The following NRG1 variants were observed in gnomAD, a reference collection of about 807,000 sequenced individuals.
NRG1 encodes the protein neuregulin 1, also known as pro-neuregulin-1, membrane-bound isoform.
In NRG1, 18 loss-of-function variants were observed where a neutral mutation model predicts 63.8. That is an observed-to-expected ratio of 0.28 (90% CI 0.19 to 0.42). The LOEUF is 0.42. NRG1 is among the 10% of genes least tolerant of loss of function. The pLI, the probability that NRG1 is intolerant of heterozygous loss-of-function variation, is 1.00. For synonymous variants in NRG1, 302 were observed against 301.3 expected, an observed-to-expected ratio of 1.00 and a Z score of -0.02; for missense variants, 762 against 814.7, an observed-to-expected ratio of 0.94 and a Z score of 0.79.
At chr8:32,416,133 G>A (rs12114039) in intron 1 of NRG1, among the ~76,000 whole-genome samples, 4,986 of 152,222 alleles carry the variant, frequency 0.033, 265 homozygotes, top group African/African-American at 0.11. Flanking sequence ...AGTTATGTTT[G>A]CACTTTAAGC....
At position 32,172,090 on chromosome 8, in the gene NRG1, A is replaced by G. The variant is rs548829637; in HGVS notation, c.38-423738A>G. Among the ~76,000 whole-genome samples the G allele has an allele frequency of 2.0e-5, 3 of 152,064 alleles. No individual in the cohort carries two copies. In the South Asian group the frequency reaches 6.2e-4, roughly 32 times the overall value. On this transcript the variant is annotated intron_variant, in intron 1 of 10. Coordinates refer to the NRG1 transcript ENST00000519301. The stretch of plus-strand genomic sequence containing the variant: ...CCCCTGAGTAGCCTAACTGGGAGGC[A>G]CCCCCCAGTAGGGGCAGACTGACAC...
Position 31,640,371 on chromosome 8 carries a change from CG to C in NRG1, c.37+941del. ...GCCCACGGGCGCTGGGGCCGCCCGC[CG>C]AGGAGCCGCTGCTCGCCGCCAACGG... On this transcript the variant is annotated intron_variant, in intron 1 of 10. Coordinates refer to the NRG1 transcript ENST00000519301. The surrounding 1 kb of genome is among the most constrained non-coding windows in gnomAD (Gnocchi z 6.3). 1 of 1,273,324 alleles carries C rather than the reference CG, an allele frequency of 7.9e-7. No individual in the cohort carries two copies. Among genetic ancestry groups the C allele is most frequent in the Middle Eastern group, 3.0e-4 (1 of 3,310 alleles). 78.9% of individuals were successfully genotyped at this position (1,273,324 alleles called of 1,614,324 possible).
At chr8:32,364,238 A>G (rs1035545632) in intron 1 of NRG1, among the ~76,000 whole-genome samples, 1 of 152,064 alleles carries the variant, frequency 6.6e-6, no homozygotes, top group Non-Finnish European at 1.5e-5. Flanking sequence ...TCAAAACAAA[A>G]TAGTTAATTC....
At chr8:32,490,919 A>G (rs189297525) in intron 1 of NRG1, among the ~76,000 whole-genome samples, 1 of 152,114 alleles carries the variant, frequency 6.6e-6, no homozygotes, top group Non-Finnish European at 1.5e-5. Flanking sequence ...ACTTCGCCCC[A>G]TCTCCAATCT....
At chr8:32,141,360 T>C (rs1836226552) in intron 1 of NRG1, among the ~76,000 whole-genome samples, 1 of 151,998 alleles carries the variant, frequency 6.6e-6, no homozygotes, top group Non-Finnish European at 1.5e-5. Context: ...GAAATATTAG[T>C]AGGTTAGTTA....
chr8:31,730,887 C>T (rs1279368748), intron 1 of NRG1, among the ~76,000 whole-genome samples: 2 of 151,938 alleles, frequency 1.3e-5, no homozygotes, highest in East Asian at 3.9e-4. Flanking sequence ...CATGAAGAAG[C>T]TTAGTATCTA....
At chr8:32,238,410 G>A (rs1847787710) in intron 1 of NRG1, among the ~76,000 whole-genome samples, 1 of 149,650 alleles carries the variant, frequency 6.7e-6, no homozygotes, top group Non-Finnish European at 1.5e-5. Flanking sequence ...AGCCAAGATT[G>A]TCCAGCCTGG....
intron 7 of NRG1, chr8:32,748,677 G>A (rs1236647104): frequency 8.8e-6 from 4 of 456,200 alleles, no homozygotes; most frequent in Non-Finnish European, 1.8e-5. Flanking sequence ...GTGCATGGGA[G>A]TCCAGCATTC....
At chr8:32,601,724 G>GT (rs544368306) in intron 2 of NRG1, among the ~76,000 whole-genome samples, 13 of 151,454 alleles carry the variant, frequency 8.6e-5, no homozygotes, top group East Asian at 1.9e-4. Context: ...CTTTAATTAT[G>GT]TTTTTTTATC....
chr8:31,929,628 T>G (rs2129619806), intron 1 of NRG1, among the ~76,000 whole-genome samples: 1 of 152,314 alleles, frequency 6.6e-6, no homozygotes, highest in African/African-American at 2.4e-5. Flanking sequence ...ATTATTTTGT[T>G]TCATAAATAA....
intron 1 of NRG1, among the ~76,000 whole-genome samples, chr8:31,855,237 G>T (rs1423011955): frequency 2.0e-5 from 3 of 152,274 alleles, no homozygotes; most frequent in African/African-American, 4.8e-5. Context: ...TTAACAATGT[G>T]TGGGAGTCTA....
At chr8:31,859,888 T>A (rs1828306522) in intron 1 of NRG1, among the ~76,000 whole-genome samples, 1 of 152,190 alleles carries the variant, frequency 6.6e-6, no homozygotes. Context: ...CCATTTCCCA[T>A]GGTGGGGAGG....
At chr8:31,757,116 G>A (rs1817050177) in intron 1 of NRG1, among the ~76,000 whole-genome samples, 1 of 152,124 alleles carries the variant, frequency 6.6e-6, no homozygotes, top group African/African-American at 2.4e-5. Flanking sequence ...GATATGCTTT[G>A]AGATGTTTAA....
chr8:32,172,085 G>C lies in NRG1; in HGVS notation c.38-423743G>C, dbSNP rs181791163. Among the ~76,000 whole-genome samples, 398 of 152,256 alleles carry C rather than the reference G, an allele frequency of 2.6e-3. 3 individuals carry two copies. The highest frequency in any genetic ancestry group is 4.3e-3 in the Non-Finnish European group (290 of 68,026). ...CCTGACCCCTGAGTAGCCTAACTGG[G>C]AGGCACCCCCCAGTAGGGGCAGACT... On this transcript the variant is annotated intron_variant, in intron 1 of 10. Transcript: ENST00000519301.
chr8:32,411,893 A>T lies in NRG1; in HGVS notation c.38-183935A>T, dbSNP rs1343776980. Among the ~76,000 whole-genome samples the T allele has an allele frequency of 3.3e-5, 5 of 152,172 alleles. No homozygotes were observed. In the South Asian group the frequency reaches 1.0e-3, roughly 32 times the overall value. On this transcript the variant is annotated intron_variant, in intron 1 of 10. Transcript: ENST00000519301. ...TAAAATCAAAATATAGGTAAGTTGAACTGTCATAAGTTGGGGACCATGCGT... is the reference window on the plus strand; with the variant it reads ...TAAAATCAAAATATAGGTAAGTTGATCTGTCATAAGTTGGGGACCATGCGT...
At position 32,464,279 on chromosome 8, in the gene NRG1, A is replaced by ACC. The variant is rs144963557; in HGVS notation, c.38-131541_38-131540dup. Among the ~76,000 whole-genome samples, 655 of 86,626 alleles carry ACC rather than the reference A, an allele frequency of 7.6e-3. 2 individuals carry two copies. Among genetic ancestry groups the ACC allele is most frequent in the African/African-American group, 0.013 (286 of 21,988 alleles). 56.8% of individuals were successfully genotyped at this position (86,626 alleles called of 152,430 possible). A position where few individuals can be genotyped will look rare whatever the true frequency, so the allele number is the denominator to read the frequency against. ...TATTCCCTAATTTAAACTTATCCCC[A>ACC]CCCCCCCCCACCCCACCATGATGTC... On this transcript the variant is annotated intron_variant, in intron 1 of 10. Transcript: ENST00000519301.
intron 1 of NRG1, among the ~76,000 whole-genome samples, chr8:32,190,430 G>A (rs954540368): frequency 1.3e-5 from 2 of 152,078 alleles, no homozygotes; most frequent in African/African-American, 4.8e-5. Context: ...AGCAAATAAA[G>A]GCAACAGCTG....
rs901583413 is a variant in NRG1, at chr8:31,684,980, T to A, written c.37+45549T>A. Reference sequence around the variant, plus strand: ...AGGTGCATGGAGTAATTTCTCAAATTTTGAGGCCTTAGTAACCCTGCACTG... The same window carrying A: ...AGGTGCATGGAGTAATTTCTCAAATATTGAGGCCTTAGTAACCCTGCACTG... On this transcript the variant is annotated intron_variant, in intron 1 of 10. Coordinates refer to the NRG1 transcript ENST00000519301. Among the ~76,000 whole-genome samples, 7 of 152,288 alleles carry A rather than the reference T, an allele frequency of 4.6e-5. No homozygotes were observed. The East Asian group carries it at 1.3e-3, about 29-fold the overall frequency.
chr8:32,299,444 C>T (rs902347363), intron 1 of NRG1, among the ~76,000 whole-genome samples: 10 of 152,100 alleles, frequency 6.6e-5, no homozygotes, highest in African/African-American at 2.4e-4. Flanking sequence ...AGAAAGTAAC[C>T]TCAAAAGTAC....
Sources: allele counts gnomAD v4.1 joint callset (sites outside exome capture counted in the v4.1 genomes callset), GRCh38; gene constraint gnomAD v4.1.1; non-coding constraint Gnocchi (gnomAD v3.1); transcripts MANE v1.5; gene names NCBI Gene and HGNC (gene_info 2026-07-23, HGNC 2026-07-21).